The following TGFBRAP1 variants were observed in gnomAD, a reference collection of about 807,000 sequenced individuals.
TGFBRAP1 encodes the protein transforming growth factor-beta receptor-associated protein 1.
Under a neutral mutation model 83.2 loss-of-function variants are expected in TGFBRAP1, and 20 were observed. The observed-to-expected ratio is 0.24, with a 90% CI of 0.17 to 0.35. The LOEUF (loss-of-function observed/expected upper bound fraction) is 0.35, where lower values mean the gene tolerates loss of function less well. Among genes scored for constraint, TGFBRAP1 ranks in the 10% least tolerant of loss-of-function variants. The probability of loss-of-function intolerance (pLI) is 1.00; values close to 1 mark genes in which losing one functional copy is unlikely to be tolerated. For missense variants in TGFBRAP1, 950 were observed against 1,099.4 expected (o/e 0.86, Z 1.92); for synonymous variants, 415 against 459.8 (o/e 0.90, Z 1.25).
the TGFBRAP1 span, among the ~76,000 whole-genome samples, chr2:105,258,354 T>C: frequency 2.0e-5 from 3 of 151,836 alleles, no homozygotes; most frequent in Admixed American, 6.6e-5. Context: ...TGTTTCCAGA[T>C]GAGATTAGCT....
At chr2:105,311,857 G>A (rs1192703396) in intron 1 of TGFBRAP1, among the ~76,000 whole-genome samples, 4 of 151,186 alleles carry the variant, frequency 2.6e-5, no homozygotes, top group African/African-American at 7.3e-5. Flanking sequence ...GCAGTGAGCC[G>A]AGATCGTACC....
At chr2:105,276,432 A>G (rs1677351618) in intron 7 of TGFBRAP1, among the ~76,000 whole-genome samples, 1 of 152,190 alleles carries the variant, frequency 6.6e-6, no homozygotes, top group Non-Finnish European at 1.5e-5. Flanking sequence ...CCACAGCACC[A>G]GGAAGGAGCC....
At chr2:105,262,436 C>T (rs1165981525), downstream of TGFBRAP1, among the ~76,000 whole-genome samples, 1 of 152,192 alleles carries the variant, frequency 6.6e-6, no homozygotes, top group African/African-American at 2.4e-5. Flanking sequence ...TGGCTGGAAG[C>T]TTCCTGAGGC....
At chr2:105,317,823 A>C (rs1245007444) in intron 1 of TGFBRAP1, among the ~76,000 whole-genome samples, 1 of 152,224 alleles carries the variant, frequency 6.6e-6, no homozygotes, top group African/African-American at 2.4e-5. Context: ...GATGGGCGAA[A>C]TACACAAACA....
the TGFBRAP1 span, among the ~76,000 whole-genome samples, chr2:105,253,591 C>G: frequency 1.3e-5 from 2 of 152,176 alleles, no homozygotes; most frequent in Non-Finnish European, 2.9e-5. Flanking sequence ...GCCACCATGC[C>G]TGGCTAAATT....
intron 7 of TGFBRAP1, among the ~76,000 whole-genome samples, chr2:105,276,130 T>C (rs377384838): frequency 1.4e-4 from 22 of 152,338 alleles, no homozygotes; most frequent in African/African-American, 5.1e-4. Context: ...GATTTTGAAG[T>C]CCCCTTTGGA....
the TGFBRAP1 span, among the ~76,000 whole-genome samples, chr2:105,250,604 C>G: frequency 7.5e-6 from 1 of 133,654 alleles, no homozygotes; most frequent in East Asian, 2.2e-4. Context: ...TCCCTCCTCT[C>G]CCTCTCCCTC....
intron 1 of TGFBRAP1, among the ~76,000 whole-genome samples, chr2:105,317,330 G>A (rs545485884): frequency 2.0e-5 from 3 of 152,012 alleles, no homozygotes; most frequent in South Asian, 2.1e-4. Flanking sequence ...CCAGCTACTC[G>A]GGAGGCTAAG....
intron 4 of TGFBRAP1, among the ~76,000 whole-genome samples, chr2:105,289,627 A>G (rs1298781446): frequency 6.6e-6 from 1 of 152,224 alleles, no homozygotes; most frequent in East Asian, 1.9e-4. Context: ...TAAGCCCTAC[A>G]GGCCTCGAAA....
chr2:105,303,510 C>T (rs1413275033), intron 2 of TGFBRAP1, among the ~76,000 whole-genome samples: 2 of 152,174 alleles, frequency 1.3e-5, no homozygotes, highest in African/African-American at 4.8e-5. Context: ...ACAAGTCCAC[C>T]TGAATAAACT....
At position 105,307,907 on chromosome 2, in the gene TGFBRAP1, T is replaced by A. The variant is rs1678565003; in HGVS notation, c.395A>T (p.Asp132Val). The part of the protein sequence containing the change: ...FALNENPVSG[D>V]PFCVEVCIIS... The stretch of plus-strand genomic sequence containing the variant: ...GATGCAAACTTCTACACAGAAGGGG[T>A]CCCCACTCACAGGGTTCTCGTTCAG... Residue 132 changes from aspartate to valine, a missense_variant, in exon 2 of 12, where the codon GAC becomes GTC. Physicochemically the swap from Asp to Val is radical, Grantham distance 152. Transcript: ENST00000393359. The A allele has an allele frequency of 1.2e-5, 20 of 1,614,116 alleles. No individual in the cohort carries two copies. Among genetic ancestry groups the A allele is most frequent in the Non-Finnish European group, 1.7e-5 (20 of 1,180,024 alleles).
At chr2:105,257,966 C>T in the TGFBRAP1 span, among the ~76,000 whole-genome samples, 2 of 152,288 alleles carry the variant, frequency 1.3e-5, no homozygotes, top group African/African-American at 4.8e-5. Context: ...CCAACATATA[C>T]TTGTGGAATG....
chr2:105,262,238 G>A (rs993467668), downstream of TGFBRAP1, among the ~76,000 whole-genome samples: 1 of 152,160 alleles, frequency 6.6e-6, no homozygotes, highest in African/African-American at 2.4e-5. Context: ...TGGAGGTGGG[G>A]CCTAGTGGGA....
At chr2:105,303,200 C>T (rs1454787659) in intron 2 of TGFBRAP1, among the ~76,000 whole-genome samples, 2 of 152,156 alleles carry the variant, frequency 1.3e-5, no homozygotes, top group African/African-American at 4.8e-5. Context: ...GAAGCTGAGG[C>T]GAGAGGCTTG....
intron 4 of TGFBRAP1, among the ~76,000 whole-genome samples, chr2:105,290,976 C>T (rs969107073): frequency 9.2e-5 from 14 of 152,076 alleles, no homozygotes; most frequent in African/African-American, 3.4e-4. Context: ...CACTGCACTC[C>T]AGCCTGGGTG....
At chr2:105,327,222 T>A (rs1679249386) in intron 1 of TGFBRAP1, 1 of 152,164 alleles carries the variant, frequency 6.6e-6, no homozygotes, top group Non-Finnish European at 1.5e-5. Context: ...AACTTCATTT[T>A]TTTTTTCCTA....
chr2:105,270,931 C>T (rs1209270758), intron 10 of TGFBRAP1, among the ~76,000 whole-genome samples: 1 of 152,244 alleles, frequency 6.6e-6, no homozygotes, highest in East Asian at 1.9e-4. Flanking sequence ...TTTACAACTT[C>T]CCTAGACTGA....
In TGFBRAP1 at chr2:105,307,618, C is replaced by A; in HGVS notation, c.684G>T (p.Gly228=). ...GCACAAATGCATCCTCCTCACCCAG[C>A]CCTCCGGGGCCCGCCAGCAGGAACT... ...RQEFLLAGPG[G]LGMFATVAGI... is the part of the protein sequence containing the mutation. The change falls in exon 2 of 12, where the codon GGG becomes GGT. Residue 228 remains glycine (G), a synonymous_variant. Coordinates refer to ENST00000393359, the MANE Select transcript of TGFBRAP1 (RefSeq NM_004257.6). 2 of 1,607,170 alleles carry A rather than the reference C, an allele frequency of 1.2e-6. No individual in the cohort carries two copies. The highest frequency in any genetic ancestry group is 1.7e-6 in the Non-Finnish European group (2 of 1,177,006).
the TGFBRAP1 span, among the ~76,000 whole-genome samples, chr2:105,255,142 C>T: frequency 6.7e-6 from 1 of 148,886 alleles, no homozygotes; most frequent in Admixed American, 6.7e-5. Flanking sequence ...AAGCAGAATA[C>T]AATTTCAGCT....
Sources: allele counts gnomAD v4.1 joint callset (sites outside exome capture counted in the v4.1 genomes callset), GRCh38; gene constraint gnomAD v4.1.1; transcripts MANE v1.5; gene names NCBI Gene and HGNC (gene_info 2026-07-23, HGNC 2026-07-21).